SLC8A1: variants seen among roughly 807,000 people sequenced by gnomAD.
SLC8A1 encodes solute carrier family 8 member A1.
SLC8A1 carries 18 observed loss-of-function variants against 68.3 expected under a neutral mutation model. The ratio of observed to expected loss-of-function variants is 0.26; its 90% CI spans 0.18 to 0.39. The LOEUF is 0.39. Among genes scored for constraint, SLC8A1 ranks in the 10% least tolerant of loss-of-function variants. The pLI, the probability that SLC8A1 is intolerant of heterozygous loss-of-function variation, is 1.00. For missense variants in SLC8A1, 985 were observed against 1,156.7 expected (o/e 0.85, Z 2.15); for synonymous variants, 475 against 415.5 (o/e 1.14, Z -1.74).
exon 8 of SLC8A1, chr2:40,113,304 G>C (rs1188318588): frequency 6.5e-6 from 1 of 152,732 alleles, no homozygotes; most frequent in Non-Finnish European, 1.5e-5. Flanking sequence ...TCTCCAGCCT[G>C]GGATTCCTTA....
intron 2 of SLC8A1, among the ~76,000 whole-genome samples, chr2:40,377,820 A>G (rs1418914774): frequency 1.3e-5 from 2 of 152,096 alleles, no homozygotes; most frequent in African/African-American, 4.8e-5. Flanking sequence ...AGAGCCCTAC[A>G]AAGTTTCTGT....
intron 1 of SLC8A1, among the ~76,000 whole-genome samples, chr2:40,493,127 A>G (rs1439880231): frequency 6.6e-6 from 1 of 152,238 alleles, no homozygotes; most frequent in Non-Finnish European, 1.5e-5. Flanking sequence ...TGAATTAAGA[A>G]AATGTGGCAC....
chr2:40,155,517 T>A (rs1290583410), intron 6 of SLC8A1, among the ~76,000 whole-genome samples: 2 of 152,124 alleles, frequency 1.3e-5, no homozygotes, highest in Non-Finnish European at 2.9e-5. Context: ...CCCATAGTAA[T>A]GATGTTCAAT....
At chr2:40,511,077 C>T (rs1706694710) in intron 1 of SLC8A1, among the ~76,000 whole-genome samples, 1 of 152,118 alleles carries the variant, frequency 6.6e-6, no homozygotes, top group Non-Finnish European at 1.5e-5. Context: ...CTTACACTTG[C>T]TTATTAATAA....
At chr2:40,361,639 A>G (rs1052805763) in intron 2 of SLC8A1, among the ~76,000 whole-genome samples, 4 of 152,036 alleles carry the variant, frequency 2.6e-5, no homozygotes, top group Non-Finnish European at 5.9e-5. Context: ...CTCACTGCCT[A>G]TAAACTAAGA....
intron 1 of SLC8A1, among the ~76,000 whole-genome samples, chr2:40,476,894 T>C (rs1704325910): frequency 6.6e-6 from 1 of 152,208 alleles, no homozygotes. Flanking sequence ...GTGAGTCTTG[T>C]TCTTTCCTTT....
chr2:40,488,280 T>TCCC (rs1237906807), intron 1 of SLC8A1, among the ~76,000 whole-genome samples: 5 of 151,292 alleles, frequency 3.3e-5, no homozygotes, highest in African/African-American at 1.2e-4. Context: ...ATAATCCTCC[T>TCCC]CTCCCCTCCT....
At chr2:40,446,563 C>T (rs1259710290) in intron 1 of SLC8A1, 2 of 152,224 alleles carry the variant, frequency 1.3e-5, no homozygotes, top group Non-Finnish European at 2.9e-5. Context: ...CCTTTCAACT[C>T]CTTCAGCACT....
intron 2 of SLC8A1, among the ~76,000 whole-genome samples, chr2:40,391,617 T>C (rs1159445109): frequency 1.3e-5 from 2 of 152,050 alleles, no homozygotes; most frequent in Non-Finnish European, 2.9e-5. Flanking sequence ...CCTAGAGTCT[T>C]TACTTCAAAG....
intron 1 of SLC8A1, among the ~76,000 whole-genome samples, chr2:40,440,682 CAT>C (rs1700298695): frequency 6.6e-6 from 1 of 152,288 alleles, no homozygotes; most frequent in Admixed American, 6.5e-5. Flanking sequence ...ACAAAAACCA[CAT>C]GATTATCTCA....
intron 2 of SLC8A1, among the ~76,000 whole-genome samples, chr2:40,228,249 C>T (rs1320787089): frequency 6.6e-6 from 1 of 152,126 alleles, no homozygotes; most frequent in African/African-American, 2.4e-5. Flanking sequence ...TCCCTGCCTG[C>T]AGCAGACATT....
intron 2 of SLC8A1, among the ~76,000 whole-genome samples, chr2:40,391,864 A>AT (rs773178857): frequency 1.8e-4 from 27 of 152,138 alleles, no homozygotes; most frequent in African/African-American, 4.3e-4. Context: ...CCTCAGCCTC[A>AT]TGTCACTAGG....
intron 2 of SLC8A1, among the ~76,000 whole-genome samples, chr2:40,217,693 A>G (rs2057707580): frequency 6.6e-6 from 1 of 152,194 alleles, no homozygotes. Context: ...CAATAGAATA[A>G]GAAGGTGAGG....
At chr2:40,299,879 G>A (rs999830927) in intron 2 of SLC8A1, among the ~76,000 whole-genome samples, 2 of 152,134 alleles carry the variant, frequency 1.3e-5, no homozygotes, top group Non-Finnish European at 2.9e-5. Flanking sequence ...CAAAATAGTG[G>A]CAAAATCTCC....
At chr2:40,319,490 A>C (rs2074920254) in intron 2 of SLC8A1, among the ~76,000 whole-genome samples, 1 of 152,112 alleles carries the variant, frequency 6.6e-6, no homozygotes, top group African/African-American at 2.4e-5. Flanking sequence ...CTTTGGTAGC[A>C]CTGAATTTCT....
intron 2 of SLC8A1, among the ~76,000 whole-genome samples, chr2:40,215,380 G>A (rs1016646832): frequency 2.7e-4 from 41 of 152,104 alleles, no homozygotes; most frequent in Non-Finnish European, 3.2e-4. Flanking sequence ...GCTCACGCCT[G>A]TAATCCCAGC....
intron 2 of SLC8A1, among the ~76,000 whole-genome samples, chr2:40,333,034 C>T (rs1237380616): frequency 6.6e-6 from 1 of 152,116 alleles, no homozygotes; most frequent in Non-Finnish European, 1.5e-5. Context: ...TTTAATGCTT[C>T]TGAATTATGT....
intron 1 of SLC8A1, among the ~76,000 whole-genome samples, chr2:40,469,509 A>G (rs1281617880): frequency 6.6e-6 from 1 of 152,182 alleles, no homozygotes; most frequent in African/African-American, 2.4e-5. Flanking sequence ...TAAATTACTC[A>G]GTTTTAGGTA....
At chr2:40,381,367 A>G (rs1308951952) in intron 2 of SLC8A1, among the ~76,000 whole-genome samples, 2 of 152,056 alleles carry the variant, frequency 1.3e-5, no homozygotes, top group Non-Finnish European at 2.9e-5. Context: ...TCTTAAAGTA[A>G]GTATAACAAG....
Sources: gnomAD v4.1 joint callset for allele counts (sites outside exome capture counted in the v4.1 genomes callset) on GRCh38, gnomAD v4.1.1 for gene constraint, MANE v1.5 for transcripts, NCBI Gene and HGNC (gene_info 2026-07-23, HGNC 2026-07-21) for gene names.